The following NR5A1 variants were observed in gnomAD, a reference collection of about 807,000 sequenced individuals.
NR5A1 encodes the protein steroidogenic factor 1.
In NR5A1, 6 loss-of-function variants were observed where a neutral mutation model predicts 42.7. The ratio of observed to expected loss-of-function variants is 0.14; its 90% CI spans 0.08 to 0.28. The LOEUF (loss-of-function observed/expected upper bound fraction) is 0.28. Among genes scored for constraint, NR5A1 ranks in the 10% least tolerant of loss-of-function variants. NR5A1 has a pLI of 1.00. For synonymous variants in NR5A1, 274 were observed against 277.5 expected, an observed-to-expected ratio of 0.99 and a Z score of 0.12; for missense variants, 442 against 626.4, an observed-to-expected ratio of 0.71 and a Z score of 3.14.
intron 4 of NR5A1, among the ~76,000 whole-genome samples, chr9:124,497,675 C>T (rs970902006): frequency 1.3e-5 from 2 of 152,198 alleles, no homozygotes; most frequent in Non-Finnish European, 1.5e-5. Context: ...CAGCCAGCCC[C>T]GCAGCCATCC....
chr9:124,488,398 C>T (rs1478794295), intron 6 of NR5A1, among the ~76,000 whole-genome samples: 2 of 152,104 alleles, frequency 1.3e-5, no homozygotes, highest in African/African-American at 4.8e-5. Context: ...TCCTCTGGCA[C>T]CCCCAACCTC....
At chr9:124,505,314 C>T (rs1326905197) in intron 1 of NR5A1, among the ~76,000 whole-genome samples, 1 of 152,200 alleles carries the variant, frequency 6.6e-6, no homozygotes, top group Non-Finnish European at 1.5e-5. Flanking sequence ...ACGCGGGTGG[C>T]TGGTCGCACT....
rs1300488730 is a variant in NR5A1 at position 124,503,203 on chromosome 9, C to T, written c.120G>A (p.Thr40=). ...ACGTGTAGTGCTTGTTGTTCTGCAC[C>T]GTGCGCTTGAAGAAGCCCTGCGGGA... ...CESCKGFFKR[T]VQNNKHYTCT... is the part of the protein sequence containing the mutation. Residue 40 remains threonine, a synonymous_variant, in exon 3 of 7, where the codon ACG becomes ACA. Coordinates refer to ENST00000373588, the MANE Select transcript of NR5A1 (RefSeq NM_004959.5). This position sits in a 1 kb window ranked among gnomAD's most constrained non-coding sequence, Gnocchi z 9.6. 6.2e-7 allele frequency: 1 copy of T among 1,603,752 alleles called. No individual in the cohort carries two copies. Among genetic ancestry groups the T allele is most frequent in the South Asian group, 1.1e-5 (1 of 89,412 alleles).
Position 124,482,663 on chromosome 9 carries a change from A to T in NR5A1, c.*95T>A. 7.1e-7 allele frequency: 1 copy of T among 1,414,856 alleles called. No homozygotes were observed. The highest frequency in any genetic ancestry group is 9.6e-7 in the Non-Finnish European group (1 of 1,039,212). 87.6% of individuals were successfully genotyped at this position (1,414,856 alleles called of 1,614,324 possible). ...CTGGGGCTCCTCGGTGGGCATCAGA[A>T]AATGAACCATGCGGAGCCAGCGGTG... On this transcript the variant is annotated 3_prime_UTR_variant, in exon 7 of 7. Coordinates refer to ENST00000373588, the MANE Select transcript of NR5A1 (RefSeq NM_004959.5).
intron 6 of NR5A1, 45 bp downstream of exon 6, chr9:124,491,036 C>CCCCCCACGG: frequency 7.1e-7 from 1 of 1,401,602 alleles, no homozygotes; most frequent in Non-Finnish European, 9.6e-7. Flanking sequence ...CCCACCCACC[C>CCCCCCACGG]GCCTCTGGCT....
In NR5A1 at chr9:124,503,933, G is replaced by T. The variant is rs1432071168; in HGVS notation, c.-15-523C>A. Among the ~76,000 whole-genome samples, 1 of 152,016 alleles carries T rather than the reference G, an allele frequency of 6.6e-6. No homozygotes were observed. Among genetic ancestry groups the T allele is most frequent in the Non-Finnish European group, 1.5e-5 (1 of 68,010 alleles). Reference sequence around the variant, plus strand: ...CCGGGCGCAGACACGAGGCCAGTCCGAGAGTGCCAGAGACACAGACACTGA... The same window carrying T: ...CCGGGCGCAGACACGAGGCCAGTCCTAGAGTGCCAGAGACACAGACACTGA... On this transcript the variant is annotated intron_variant, in intron 1 of 6. Coordinates refer to ENST00000373588, the MANE Select transcript of NR5A1 (RefSeq NM_004959.5). The surrounding 1 kb of genome is among the most constrained non-coding windows in gnomAD (Gnocchi z 9.6).
At chr9:124,489,637 G>C (rs1386991566) in intron 6 of NR5A1, among the ~76,000 whole-genome samples, 2 of 152,040 alleles carry the variant, frequency 1.3e-5, no homozygotes, top group Non-Finnish European at 2.9e-5. Flanking sequence ...GTGCCGTTGC[G>C]GGCAGAGGTA....
At chr9:124,505,053 G>T (rs1466129644) in intron 1 of NR5A1, among the ~76,000 whole-genome samples, 6 of 151,998 alleles carry the variant, frequency 3.9e-5, no homozygotes, top group Middle Eastern at 3.4e-3. Flanking sequence ...GCGGAGGCCC[G>T]GTCGTGTCCT....
At chr9:124,489,232 A>T (rs1258646798) in intron 6 of NR5A1, among the ~76,000 whole-genome samples, 6 of 152,198 alleles carry the variant, frequency 3.9e-5, no homozygotes, top group African/African-American at 1.4e-4. Flanking sequence ...GCTGGCTGAT[A>T]GCCCACCCTC....
At chr9:124,495,695 C>A (rs1391633171) in intron 4 of NR5A1, among the ~76,000 whole-genome samples, 2 of 152,118 alleles carry the variant, frequency 1.3e-5, no homozygotes, top group African/African-American at 4.8e-5. Flanking sequence ...GGGGAGGTGG[C>A]GGAGGAGCGA....
At chr9:124,483,275 C>T (rs968795677) in intron 6 of NR5A1, among the ~76,000 whole-genome samples, 4 of 152,216 alleles carry the variant, frequency 2.6e-5, no homozygotes, top group African/African-American at 9.6e-5. Context: ...ATCAACCACC[C>T]AACCACAGTC....
chr9:124,502,298 C>G (rs1368525446), intron 3 of NR5A1, among the ~76,000 whole-genome samples: 2 of 152,156 alleles, frequency 1.3e-5, no homozygotes, highest in African/African-American at 4.8e-5. Context: ...TTCTTTCTTT[C>G]TCTTTCTGCC....
chr9:124,496,890 C>G lies in NR5A1; in HGVS notation c.870+3200G>C, dbSNP rs1043350584. Among the ~76,000 whole-genome samples the G allele has an allele frequency of 6.6e-6, 1 of 152,178 alleles. No homozygotes were observed. Among genetic ancestry groups the G allele is most frequent in the South Asian group, 2.1e-4 (1 of 4,828 alleles). ...CCAGCCTGTCCTTCGCAGTAAGTGA[C>G]GAGAGGCTGACTGCCTGGGCCCTGG... On this transcript the variant is annotated intron_variant, in intron 4 of 6. Coordinates refer to ENST00000373588, the MANE Select transcript of NR5A1 (RefSeq NM_004959.5). The surrounding 1 kb of genome is among the most constrained non-coding windows in gnomAD (Gnocchi z 5.0).
intron 6 of NR5A1, among the ~76,000 whole-genome samples, chr9:124,486,968 G>A (rs1250162527): frequency 6.6e-6 from 1 of 152,252 alleles, no homozygotes; most frequent in Non-Finnish European, 1.5e-5. Flanking sequence ...CTGCCTCACA[G>A]GGTGGCAAGG....
intron 4 of NR5A1, 114 bp downstream of exon 4, chr9:124,499,976 G>A (rs568323308): frequency 3.6e-5 from 55 of 1,512,698 alleles, no homozygotes; most frequent in Non-Finnish European, 4.7e-5. Flanking sequence ...GGGTCCCCAG[G>A]TACTGCCTGA....
Position 124,491,180 on chromosome 9 carries a change from G to C in NR5A1, c.1039C>G (p.Leu347Val). The C allele has an allele frequency of 6.2e-7, 1 of 1,609,894 alleles. No homozygotes were observed. Among genetic ancestry groups the C allele is most frequent in the Non-Finnish European group, 8.5e-7 (1 of 1,178,986 alleles). ...ATQAGSLLHS[L>V]VLRAQELVLQ... is the part of the protein sequence containing the mutation. Reference sequence around the variant, plus strand: ...ACCAGCTCCTGCGCCCGCAACACCAGGCTGTGCAGCAGCGAGCCCGCCTGG... The same window carrying C: ...ACCAGCTCCTGCGCCCGCAACACCACGCTGTGCAGCAGCGAGCCCGCCTGG... The change falls in exon 6 of 7, where the codon CTG becomes GTG. Residue 347 changes from leucine to valine, a missense_variant. By Grantham distance (32) the Leu-to-Val change is conservative. Coordinates refer to ENST00000373588, the MANE Select transcript of NR5A1 (RefSeq NM_004959.5).
In NR5A1 at chr9:124,502,104, A is replaced by G. The variant is rs1832479795; in HGVS notation, c.244+975T>C. Among the ~76,000 whole-genome samples the G allele has an allele frequency of 2.6e-5, 4 of 151,986 alleles. No homozygotes were observed. The South Asian group carries it at 8.3e-4, about 32-fold the overall frequency. On this transcript the variant is annotated intron_variant, in intron 3 of 6. Transcript: ENST00000373588. ...GAGAGCCCTTTGGATGGACGGACAG[A>G]CAAGCAGATGGGCAGCTGAATGTGT...
At chr9:124,504,147 TGACGCAGAGCCA>T (rs1209223220) in intron 1 of NR5A1, among the ~76,000 whole-genome samples, 1 of 147,300 alleles carries the variant, frequency 6.8e-6, no homozygotes, top group African/African-American at 2.6e-5. Flanking sequence ...CAAGAGAGAC[TGACGCAGAGCCA>T]GAGACACAAC....
chr9:124,491,321 A>G, intron 5 of NR5A1, 93 bp from the exon 6 acceptor site: 5 of 1,021,072 alleles, frequency 4.9e-6, no homozygotes, highest in Non-Finnish European at 7.2e-6. Flanking sequence ...GAGGGCATGG[A>G]TTGGAGGTGC....
Sources: allele counts gnomAD v4.1 joint callset (sites outside exome capture counted in the v4.1 genomes callset), GRCh38; gene constraint gnomAD v4.1.1; non-coding constraint Gnocchi (gnomAD v3.1); transcripts MANE v1.5; gene names NCBI Gene and HGNC (gene_info 2026-07-23, HGNC 2026-07-21).